The following GABRG3 variants were observed in gnomAD, a reference collection of about 807,000 sequenced individuals.
GABRG3 encodes gamma-aminobutyric acid receptor subunit gamma-3.
A neutral mutation model predicts 48.8 loss-of-function variants in GABRG3; 25 were observed. That is an observed-to-expected ratio of 0.51 (90% CI 0.37 to 0.72). The LOEUF (loss-of-function observed/expected upper bound fraction) is 0.72, where lower values mean the gene tolerates loss of function less well. GABRG3 is among the 30% of genes least tolerant of loss of function. GABRG3 has a pLI of 0.00. For missense variants in GABRG3, 394 were observed against 577.9 expected, an observed-to-expected ratio of 0.68 and a Z score of 3.26; for synonymous variants, 227 against 217.6, an observed-to-expected ratio of 1.04 and a Z score of -0.38.
At chr15:27,215,700 G>C (rs1245982328) in intron 3 of GABRG3, among the ~76,000 whole-genome samples, 1 of 152,086 alleles carries the variant, frequency 6.6e-6, no homozygotes, top group African/African-American at 2.4e-5. Context: ...TGAAGACCAG[G>C]GCATTCTGAT....
chr15:27,173,223 C>T (rs1276134687), intron 3 of GABRG3, among the ~76,000 whole-genome samples: 1 of 152,096 alleles, frequency 6.6e-6, no homozygotes, highest in Non-Finnish European at 1.5e-5. Flanking sequence ...TTGTATTTTA[C>T]CTACCTAATT....
intron 3 of GABRG3, among the ~76,000 whole-genome samples, chr15:27,275,254 G>A (rs748430111): frequency 3.3e-5 from 5 of 152,194 alleles, no homozygotes; most frequent in East Asian, 1.9e-4. Context: ...AAGTAACCTT[G>A]AGCTTTTGGT....
chr15:27,481,270 A>G (rs1472604322), intron 6 of GABRG3: 4 of 946,132 alleles, frequency 4.2e-6, no homozygotes, highest in Non-Finnish European at 5.0e-6. Flanking sequence ...ATTTGATTTT[A>G]TGAAGTGATC....
chr15:27,186,312 T>C (rs1393996313), intron 3 of GABRG3, among the ~76,000 whole-genome samples: 1 of 152,216 alleles, frequency 6.6e-6, no homozygotes, highest in Non-Finnish European at 1.5e-5. Flanking sequence ...GGCCTCCAGC[T>C]GCATCCATGT....
At chr15:27,427,453 A>G (rs1888325813) in intron 5 of GABRG3, among the ~76,000 whole-genome samples, 1 of 152,224 alleles carries the variant, frequency 6.6e-6, no homozygotes, top group Non-Finnish European at 1.5e-5. Context: ...CCTTTGTAAA[A>G]TGGGGAATTA....
chr15:27,528,462 C>G, intron 9 of GABRG3, among the ~76,000 whole-genome samples: 1 of 152,196 alleles, frequency 6.6e-6, no homozygotes. Flanking sequence ...CCACATTTTT[C>G]ACTTGCATTT....
intron 5 of GABRG3, among the ~76,000 whole-genome samples, chr15:27,446,100 C>T (rs866920135): frequency 6.6e-6 from 1 of 152,124 alleles, no homozygotes; most frequent in Non-Finnish European, 1.5e-5. Context: ...CTTCATTCTT[C>T]TTTTTCTTTG....
chr15:27,261,550 A>T (rs968937964), intron 3 of GABRG3, among the ~76,000 whole-genome samples: 10 of 149,778 alleles, frequency 6.7e-5, no homozygotes, highest in Non-Finnish European at 8.9e-5. Flanking sequence ...GTATATATAT[A>T]TTTTTAATAT....
chr15:27,170,655 T>G (rs11639449), intron 3 of GABRG3, among the ~76,000 whole-genome samples: 81,491 of 152,014 alleles, frequency 0.54, 22,380 homozygotes, highest in African/African-American at 0.65. Context: ...AATAAGTTCA[T>G]TCCATCAGTT....
intron 3 of GABRG3, among the ~76,000 whole-genome samples, chr15:27,042,314 G>A (rs764807454): frequency 3.4e-4 from 51 of 152,198 alleles, no homozygotes; most frequent in Admixed American, 2.6e-4. Flanking sequence ...TCAGGGATGC[G>A]AGTGGGCGGA....
intron 5 of GABRG3, among the ~76,000 whole-genome samples, chr15:27,401,128 A>G (rs1324445925): frequency 2.6e-5 from 4 of 152,226 alleles, no homozygotes; most frequent in African/African-American, 9.6e-5. Context: ...TATTACAATG[A>G]TTGCAGGAAT....
intron 5 of GABRG3, among the ~76,000 whole-genome samples, chr15:27,472,298 T>C (rs1297532170): frequency 6.6e-6 from 1 of 152,140 alleles, no homozygotes; most frequent in Non-Finnish European, 1.5e-5. Context: ...TTTTGGAAAA[T>C]GGAGTCTCAC....
chr15:27,272,043 A>G (rs762348661), intron 3 of GABRG3, among the ~76,000 whole-genome samples: 4 of 152,186 alleles, frequency 2.6e-5, no homozygotes, highest in Admixed American at 1.3e-4. Flanking sequence ...AGTGGCACTC[A>G]CAAGAGGGAA....
rs1004521037 is a variant in GABRG3, at chr15:27,003,336, G to A, written c.203-23418G>A. ...GTCAGCAGATAAACAAGTGAACAAA[G>A]GTCTCTGGTTTTCCTAGGCAGAGGT... is the stretch of plus-strand genomic sequence containing the variant. On this transcript the variant is annotated intron_variant, in intron 2 of 9. Coordinates refer to ENST00000615808, the MANE Select transcript of GABRG3 (RefSeq NM_033223.5). Among the ~76,000 whole-genome samples, 38 of 151,622 alleles carry A rather than the reference G, an allele frequency of 2.5e-4. No homozygotes were observed. In the South Asian group the frequency reaches 4.0e-3, roughly 16 times the overall value.
At chr15:27,062,071 G>T (rs1230041572) in intron 3 of GABRG3, among the ~76,000 whole-genome samples, 1 of 152,146 alleles carries the variant, frequency 6.6e-6, no homozygotes, top group Admixed American at 6.5e-5. Flanking sequence ...TGCCTTCCGG[G>T]CAACTGGCGG....
At chr15:27,406,676 GA>G (rs1887644672) in intron 5 of GABRG3, among the ~76,000 whole-genome samples, 1 of 152,180 alleles carries the variant, frequency 6.6e-6, no homozygotes, top group Non-Finnish European at 1.5e-5. Flanking sequence ...ACTAAGGAGA[GA>G]ACACAGATAA....
At chr15:27,109,030 G>A (rs1897499078) in intron 3 of GABRG3, among the ~76,000 whole-genome samples, 1 of 152,140 alleles carries the variant, frequency 6.6e-6, no homozygotes, top group Non-Finnish European at 1.5e-5. Context: ...ATTATTATGA[G>A]CATTTGTGCA....
intron 3 of GABRG3, among the ~76,000 whole-genome samples, chr15:27,056,082 G>GC (rs749113333): frequency 2.2e-4 from 33 of 152,210 alleles, no homozygotes; most frequent in Non-Finnish European, 2.5e-4. Flanking sequence ...GGGTGCAGTG[G>GC]CTCAAGCCTG....
chr15:27,288,501 G>T (rs1462036896), intron 3 of GABRG3, among the ~76,000 whole-genome samples: 3 of 151,876 alleles, frequency 2.0e-5, no homozygotes, highest in Admixed American at 6.6e-5. Flanking sequence ...TGCACATGCA[G>T]TTCACAATAG....
Sources: gnomAD v4.1 joint callset for allele counts (sites outside exome capture counted in the v4.1 genomes callset) on GRCh38, gnomAD v4.1.1 for gene constraint, MANE v1.5 for transcripts, NCBI Gene and HGNC (gene_info 2026-07-23, HGNC 2026-07-21) for gene names.